ADAMTS17: variants seen among roughly 807,000 people sequenced by gnomAD.
ADAMTS17 encodes the protein A disintegrin and metalloproteinase with thrombospondin motifs 17.
Under a neutral mutation model 141.5 loss-of-function variants are expected in ADAMTS17, and 113 were observed. The observed-to-expected ratio is 0.80, with a 90% CI of 0.69 to 0.93. ADAMTS17 has a LOEUF of 0.93. Ranked by LOEUF, ADAMTS17 falls within the 40% of genes least tolerant of loss-of-function variation. ADAMTS17 has a pLI of 0.00. For missense variants in ADAMTS17, 1,659 were observed against 1,517.9 expected (o/e 1.09, Z -1.54); for synonymous variants, 768 against 630.6 (o/e 1.22, Z -3.27).
At chr15:100,017,793 G>T (rs1247377601) in intron 18 of ADAMTS17, among the ~76,000 whole-genome samples, 1 of 152,118 alleles carries the variant, frequency 6.6e-6, no homozygotes, top group African/African-American at 2.4e-5. Flanking sequence ...GCTTGTTCTT[G>T]CAGGTTCTAG....
intron 10 of ADAMTS17, among the ~76,000 whole-genome samples, chr15:100,141,692 C>A (rs1012516158): frequency 6.6e-6 from 1 of 152,166 alleles, no homozygotes; most frequent in Non-Finnish European, 1.5e-5. Context: ...GGGTGGGGCC[C>A]AGGACTTCAG....
intron 10 of ADAMTS17, among the ~76,000 whole-genome samples, chr15:100,136,263 T>C (rs895869365): frequency 6.7e-6 from 1 of 148,496 alleles, no homozygotes; most frequent in East Asian, 1.9e-4. Flanking sequence ...TTAACAACAA[T>C]GTTGAACCAC....
At chr15:100,248,532 A>G (rs1472032150) in intron 7 of ADAMTS17, among the ~76,000 whole-genome samples, 2 of 152,210 alleles carry the variant, frequency 1.3e-5, no homozygotes, top group Non-Finnish European at 2.9e-5. Context: ...CCTATGTCAC[A>G]ACAGTGGCTG....
chr15:100,081,817 A>C (rs781292158), intron 15 of ADAMTS17, among the ~76,000 whole-genome samples: 1 of 152,210 alleles, frequency 6.6e-6, no homozygotes, highest in African/African-American at 2.4e-5. Flanking sequence ...CTGATAACCA[A>C]CAAGGCTCAG....
chr15:100,215,493 G>A (rs1446647296), intron 7 of ADAMTS17, among the ~76,000 whole-genome samples: 1 of 152,110 alleles, frequency 6.6e-6, no homozygotes, highest in African/African-American at 2.4e-5. Context: ...GTGCACTATA[G>A]ACAACTCCAC....
intron 3 of ADAMTS17, among the ~76,000 whole-genome samples, chr15:100,329,309 C>T (rs946748301): frequency 6.6e-6 from 1 of 152,058 alleles, no homozygotes; most frequent in Non-Finnish European, 1.5e-5. Context: ...CAGGCCAAGG[C>T]GAGAGGATCA....
At chr15:100,105,075 G>A (rs991822536) in intron 14 of ADAMTS17, among the ~76,000 whole-genome samples, 1 of 152,214 alleles carries the variant, frequency 6.6e-6, no homozygotes, top group South Asian at 2.1e-4. Context: ...ACTTCCTTCA[G>A]AAAGCAAGTT....
intron 15 of ADAMTS17, among the ~76,000 whole-genome samples, chr15:100,072,311 C>T (rs2034033527): frequency 6.7e-6 from 1 of 148,642 alleles, no homozygotes; most frequent in African/African-American, 2.5e-5. Flanking sequence ...GAATCAATAT[C>T]ATGAAAATGG....
At chr15:100,030,450 T>C (rs2030032008) in intron 18 of ADAMTS17, among the ~76,000 whole-genome samples, 1 of 152,096 alleles carries the variant, frequency 6.6e-6, no homozygotes, top group Non-Finnish European at 1.5e-5. Flanking sequence ...AAATGCAACC[T>C]CCTCACGCTC....
chr15:100,252,134 A>G (rs1708133307), intron 7 of ADAMTS17, among the ~76,000 whole-genome samples: 1 of 152,214 alleles, frequency 6.6e-6, no homozygotes, highest in Non-Finnish European at 1.5e-5. Flanking sequence ...CACAGGATAT[A>G]ATCACAATTA....
In ADAMTS17 at chr15:100,308,727, C is replaced by G. The variant is rs77356564; in HGVS notation, c.616+22162G>C. Among the ~76,000 whole-genome samples, 823 of 152,280 alleles carry G rather than the reference C, an allele frequency of 5.4e-3. 14 individuals are homozygous for G. In the East Asian group the frequency reaches 0.068, roughly 13 times the overall value. ...AGTTTGCCCTGGCTTCTTCTGCCGGCTACTTTCTCCACGAGACAACCCAGT... is the reference window on the plus strand; with the variant it reads ...AGTTTGCCCTGGCTTCTTCTGCCGGGTACTTTCTCCACGAGACAACCCAGT... On this transcript the variant is annotated intron_variant, in intron 3 of 21. Coordinates refer to ENST00000268070, the MANE Select transcript of ADAMTS17 (RefSeq NM_139057.4).
chr15:100,022,667 C>T (rs2573687), intron 18 of ADAMTS17, among the ~76,000 whole-genome samples: 26,465 of 151,994 alleles, frequency 0.17, 3,314 homozygotes, highest in African/African-American at 0.35. Flanking sequence ...GCAGTGAACC[C>T]GGTCCAAAAC....
At chr15:100,292,256 A>G (rs1374748609) in intron 3 of ADAMTS17, among the ~76,000 whole-genome samples, 1 of 151,408 alleles carries the variant, frequency 6.6e-6, no homozygotes, top group African/African-American at 2.4e-5. Flanking sequence ...GTGAGAAACT[A>G]TGAGAGACGC....
chr15:100,237,627 GTT>G (rs2042699801), intron 7 of ADAMTS17, among the ~76,000 whole-genome samples: 1 of 152,026 alleles, frequency 6.6e-6, no homozygotes, highest in African/African-American at 2.4e-5. Flanking sequence ...GAGGTTTTTT[GTT>G]TTTGTTTTTT....
chr15:100,065,323 A>T (rs1283790406), intron 15 of ADAMTS17, among the ~76,000 whole-genome samples: 1 of 152,232 alleles, frequency 6.6e-6, no homozygotes, highest in East Asian at 1.9e-4. Flanking sequence ...TTGCTAGGTA[A>T]TGTATGTATA....
chr15:100,287,885 T>C (rs1596454361), intron 3 of ADAMTS17, among the ~76,000 whole-genome samples: 1 of 152,252 alleles, frequency 6.6e-6, no homozygotes, highest in African/African-American at 2.4e-5. Context: ...AAGGAATGAC[T>C]GTTAATGGCC....
intron 16 of ADAMTS17, among the ~76,000 whole-genome samples, chr15:100,052,551 T>C (rs2032228831): frequency 6.6e-6 from 1 of 152,208 alleles, no homozygotes; most frequent in African/African-American, 2.4e-5. Context: ...ACAAAGGCTT[T>C]TGGTGAAAAG....
intron 20 of ADAMTS17, among the ~76,000 whole-genome samples, chr15:99,990,408 C>T (rs2573605): frequency 0.11 from 16,274 of 152,132 alleles, 2,662 homozygotes; most frequent in African/African-American, 0.35. Flanking sequence ...CCTGGCAGCT[C>T]CATACTAAGC....
intron 14 of ADAMTS17, among the ~76,000 whole-genome samples, chr15:100,108,315 G>A (rs569781708): frequency 6.6e-6 from 1 of 152,198 alleles, no homozygotes; most frequent in East Asian, 1.9e-4. Flanking sequence ...GGGATTACAA[G>A]CGCATGCCAC....
Sources: gnomAD v4.1 joint callset for allele counts (sites outside exome capture counted in the v4.1 genomes callset) on GRCh38, gnomAD v4.1.1 for gene constraint, MANE v1.5 for transcripts, NCBI Gene and HGNC (gene_info 2026-07-23, HGNC 2026-07-21) for gene names.